Variants in ANKS1B observed in about 807,000 individuals in gnomAD.
ANKS1B encodes the protein ankyrin repeat and sterile alpha motif domain containing 1B.
In ANKS1B, 36 loss-of-function variants were observed where a neutral mutation model predicts 148.3. That is an observed-to-expected ratio of 0.24 (90% CI 0.19 to 0.32). ANKS1B has a LOEUF of 0.32. ANKS1B is among the 10% of genes least tolerant of loss of function. The pLI is 1.00. For synonymous variants in ANKS1B, 542 were observed against 560.8 expected (o/e 0.97, Z 0.47); for missense variants, 1,157 against 1,542.6 (o/e 0.75, Z 4.19).
rs2097832867 is a variant in ANKS1B, at chr12:98,744,174, T to A, written c.*1565A>T. 3.0e-6 allele frequency: 3 copies of A among 985,012 alleles called. No individual in the cohort carries two copies. In the Admixed American group the frequency reaches 1.8e-4, roughly 61 times the overall value. 61.0% of individuals were successfully genotyped at this position (985,012 alleles called of 1,614,324 possible). The stretch of plus-strand genomic sequence containing the variant: ...GTTATTTAACTCTCATTTTGCTACA[T>A]ACATATCAACAGTGAATAGGCAAAA... On this transcript the variant is annotated 3_prime_UTR_variant, in exon 27 of 27. Coordinates refer to ENST00000683438, the MANE Select transcript of ANKS1B (RefSeq NM_001352186.2).
intron 17 of ANKS1B, among the ~76,000 whole-genome samples, chr12:98,850,763 G>A (rs753130554): frequency 1.1e-4 from 15 of 142,194 alleles, no homozygotes; most frequent in Admixed American, 2.2e-4. Context: ...CACCGCACCC[G>A]GCCCAGAGAG....
chr12:99,062,607 A>G lies in ANKS1B; in HGVS notation c.2626-9298T>C, dbSNP rs1226993630. 2.0e-5 allele frequency among the ~76,000 whole-genome samples: 3 copies of G among 152,176 alleles called. No homozygotes were observed. In the East Asian group the frequency reaches 5.8e-4, roughly 29 times the overall value. On this transcript the variant is annotated intron_variant, in intron 16 of 26. Transcript: ENST00000683438. The stretch of plus-strand genomic sequence containing the variant: ...AGGAGAAGGGTTTGTGGGATCACAA[A>G]TAGGTCATCGGAAATAGGTCACCAG...
At chr12:99,134,626 CTG>C (rs2067264911) in intron 15 of ANKS1B, among the ~76,000 whole-genome samples, 1 of 136,120 alleles carries the variant, frequency 7.3e-6, no homozygotes, top group Admixed American at 7.5e-5. Flanking sequence ...CTATCCCTTT[CTG>C]TCTCTCTCTC....
At chr12:98,925,971 A>G (rs2099807575) in intron 17 of ANKS1B, among the ~76,000 whole-genome samples, 1 of 152,192 alleles carries the variant, frequency 6.6e-6, no homozygotes, top group Admixed American at 6.5e-5. Context: ...ATTTCACAGG[A>G]AAGACTGGAT....
chr12:99,314,575 G>T (rs1204946687), intron 12 of ANKS1B, among the ~76,000 whole-genome samples: 2 of 152,046 alleles, frequency 1.3e-5, no homozygotes, highest in East Asian at 3.9e-4. Flanking sequence ...CAGACACATA[G>T]ACCAATGGAA....
At chr12:99,362,134 T>C (rs1220611186) in intron 12 of ANKS1B, among the ~76,000 whole-genome samples, 1 of 152,040 alleles carries the variant, frequency 6.6e-6, no homozygotes, top group South Asian at 2.1e-4. Flanking sequence ...TGAGATAGCA[T>C]ATTGCTAAAA....
At chr12:98,976,755 A>C (rs961021690) in intron 17 of ANKS1B, 5 of 152,252 alleles carry the variant, frequency 3.3e-5, no homozygotes, top group Admixed American at 6.5e-5. Context: ...TCAAAATGGA[A>C]GCAGGAAAGG....
At chr12:99,740,516 C>A (rs565967741) in intron 8 of ANKS1B, among the ~76,000 whole-genome samples, 1 of 152,020 alleles carries the variant, frequency 6.6e-6, no homozygotes, top group Non-Finnish European at 1.5e-5. Context: ...CATATGAAAG[C>A]ATAGGGTAAA....
chr12:99,949,592 G>A (rs962395449), intron 1 of ANKS1B, among the ~76,000 whole-genome samples: 4 of 152,110 alleles, frequency 2.6e-5, no homozygotes, highest in African/African-American at 9.7e-5. Context: ...GAGTCAGATG[G>A]AAGATTACTC....
chr12:99,211,853 G>T (rs568138060), intron 14 of ANKS1B, among the ~76,000 whole-genome samples: 1 of 152,234 alleles, frequency 6.6e-6, no homozygotes, highest in African/African-American at 2.4e-5. Flanking sequence ...TGGGGGATTA[G>T]CAACCCAAGC....
chr12:98,872,566 G>A (rs2099674243), intron 17 of ANKS1B, among the ~76,000 whole-genome samples: 1 of 152,098 alleles, frequency 6.6e-6, no homozygotes, highest in African/African-American at 2.4e-5. Context: ...AGCTAATTAA[G>A]TTAACATGGG....
chr12:98,977,240 T>G (rs1341459909), intron 17 of ANKS1B, among the ~76,000 whole-genome samples: 1 of 152,230 alleles, frequency 6.6e-6, no homozygotes, highest in East Asian at 1.9e-4. Flanking sequence ...TATTTTTGTA[T>G]GCTTTCAGTG....
intron 10 of ANKS1B, among the ~76,000 whole-genome samples, chr12:99,461,065 T>C (rs191669370): frequency 0.015 from 2,163 of 141,136 alleles, 17 homozygotes; most frequent in Middle Eastern, 0.031. Flanking sequence ...TATATATATA[T>C]ACACATACAC....
intron 8 of ANKS1B, among the ~76,000 whole-genome samples, chr12:99,688,308 T>C (rs2098660810): frequency 6.6e-6 from 1 of 152,218 alleles, no homozygotes; most frequent in Non-Finnish European, 1.5e-5. Context: ...ACTCTCTCCC[T>C]GCTTTGTAGT....
At chr12:99,200,214 G>T (rs1484166253) in intron 14 of ANKS1B, among the ~76,000 whole-genome samples, 1 of 152,184 alleles carries the variant, frequency 6.6e-6, no homozygotes, top group Admixed American at 6.5e-5. Context: ...TTCAGAGAAG[G>T]TAACATATTA....
intron 7 of ANKS1B, among the ~76,000 whole-genome samples, chr12:99,773,988 T>A (rs960011103): frequency 6.6e-6 from 1 of 152,050 alleles, no homozygotes; most frequent in African/African-American, 2.4e-5. Context: ...TCATCCCCTA[T>A]GTAAAAATCA....
chr12:98,763,455 T>C (rs907776155), intron 25 of ANKS1B, among the ~76,000 whole-genome samples: 1 of 152,212 alleles, frequency 6.6e-6, no homozygotes, highest in Non-Finnish European at 1.5e-5. Context: ...CTGGCCAAAA[T>C]GCAGGTAGCT....
chr12:99,234,675 T>C (rs1371333810), intron 14 of ANKS1B, among the ~76,000 whole-genome samples: 1 of 152,094 alleles, frequency 6.6e-6, no homozygotes, highest in African/African-American at 2.4e-5. Context: ...AGTATTCTCA[T>C]TTCTGTCAAT....
chr12:99,281,999 C>G (rs1459566500), intron 12 of ANKS1B, among the ~76,000 whole-genome samples: 3 of 152,080 alleles, frequency 2.0e-5, no homozygotes, highest in Admixed American at 6.5e-5. Context: ...TGGAGATTAC[C>G]TTTTAGTGGT....
Sources: allele counts gnomAD v4.1 joint callset (sites outside exome capture counted in the v4.1 genomes callset), GRCh38; gene constraint gnomAD v4.1.1; transcripts MANE v1.5; gene names NCBI Gene and HGNC (gene_info 2026-07-23, HGNC 2026-07-21).